The following SP6 variants were observed in gnomAD, a reference collection of about 807,000 sequenced individuals.
SP6 encodes the protein Sp6 transcription factor, also known as transcription factor Sp6.
SP6 carries 10 observed loss-of-function variants against 23.4 expected under a neutral mutation model. The observed-to-expected ratio is 0.43, with a 90% confidence interval of 0.26 to 0.72. The LOEUF is 0.72. Ranked by LOEUF, SP6 falls within the 30% of genes least tolerant of loss-of-function variation. The pLI is 0.23. For synonymous variants in SP6, 238 were observed against 238.7 expected, an observed-to-expected ratio of 1.00 and a Z score of 0.03; for missense variants, 482 against 523.8, an observed-to-expected ratio of 0.92 and a Z score of 0.78.
upstream of SP6, among the ~76,000 whole-genome samples, chr17:47,857,624 A>ACAGCCAG (rs2034007051): frequency 6.6e-6 from 1 of 152,136 alleles, no homozygotes. Context: ...AGCAATGAAC[A>ACAGCCAG]CAGCCAGCAC....
In SP6 at chr17:47,848,528, G is replaced by T; in HGVS notation, c.-57-42C>A. The T allele has an allele frequency of 1.7e-6, 2 of 1,178,248 alleles. No individual in the cohort carries two copies. The highest frequency in any genetic ancestry group is 1.2e-6 in the Non-Finnish European group (1 of 855,854). The allele number at this position is 1,178,248 out of a possible 1,614,324, so 73.0% of individuals were successfully genotyped here. Reference sequence around the variant, plus strand: ...AGCAGAAAAGTAAGGGAAATAACCAGCTCACTTTCCCTCCTAACCCAGGTC... The same window carrying T: ...AGCAGAAAAGTAAGGGAAATAACCATCTCACTTTCCCTCCTAACCCAGGTC... On this transcript the variant is annotated intron_variant, in intron 1 of 1. Coordinates refer to ENST00000536300, the MANE Select transcript of SP6 (RefSeq NM_001258248.2). The surrounding 1 kb of genome is among the most constrained non-coding windows in gnomAD (Gnocchi z 5.3).
At chr17:47,852,051 TC>T (rs1311698906), upstream of SP6, among the ~76,000 whole-genome samples, 1 of 152,026 alleles carries the variant, frequency 6.6e-6, no homozygotes, top group Non-Finnish European at 1.5e-5. Context: ...AGCACCCGGT[TC>T]TGAAGAATGG....
upstream of SP6, among the ~76,000 whole-genome samples, chr17:47,852,060 T>C (rs907971320): frequency 5.3e-5 from 8 of 152,054 alleles, no homozygotes; most frequent in Admixed American, 2.6e-4. Context: ...TTCTGAAGAA[T>C]GGGCAGGCGC....
chr17:47,871,012 C>G, the SP6 span, among the ~76,000 whole-genome samples: 1 of 152,162 alleles, frequency 6.6e-6, no homozygotes, highest in Non-Finnish European at 1.5e-5. Context: ...TCTTCTGACC[C>G]TCCTTCTAGC....
At chr17:47,858,334 TCCCAC>T (rs910587409), upstream of SP6, among the ~76,000 whole-genome samples, 12 of 152,062 alleles carry the variant, frequency 7.9e-5, no homozygotes, top group African/African-American at 2.9e-4. Context: ...CTACTCTTCC[TCCCAC>T]CCCTAAGCTT....
At chr17:47,856,759 T>C (rs2034001173), upstream of SP6, among the ~76,000 whole-genome samples, 1 of 152,012 alleles carries the variant, frequency 6.6e-6, no homozygotes, top group Admixed American at 6.5e-5. Context: ...GATGACATCC[T>C]GTTTTTGACC....
the SP6 span, among the ~76,000 whole-genome samples, chr17:47,873,620 G>T: frequency 1.3e-5 from 2 of 152,212 alleles, no homozygotes; most frequent in South Asian, 4.1e-4. Context: ...GGCTATCTCT[G>T]GGAAAAAAGG....
At chr17:47,874,145 G>A in the SP6 span, among the ~76,000 whole-genome samples, 2 of 151,720 alleles carry the variant, frequency 1.3e-5, no homozygotes, top group Admixed American at 6.6e-5. Flanking sequence ...GGAGTGCAGT[G>A]GAGCAATCAT....
upstream of SP6, among the ~76,000 whole-genome samples, chr17:47,859,160 G>A (rs534952117): frequency 6.6e-6 from 1 of 152,112 alleles, no homozygotes; most frequent in Non-Finnish European, 1.5e-5. Context: ...TGTCATCCAG[G>A]ACCCTCCCAC....
upstream of SP6, among the ~76,000 whole-genome samples, chr17:47,854,273 C>A (rs1212644560): frequency 6.6e-6 from 1 of 152,218 alleles, no homozygotes; most frequent in South Asian, 2.1e-4. Context: ...TTACTGAGCA[C>A]CTACTATGTT....
chr17:47,850,595 C>G (rs9895764), intron 1 of SP6, among the ~76,000 whole-genome samples: 32,258 of 152,164 alleles, frequency 0.21, 4,737 homozygotes, highest in African/African-American at 0.42. Flanking sequence ...AGGCTTCTCG[C>G]TCCCCGAAGT....
chr17:47,874,471 C>T, the SP6 span, among the ~76,000 whole-genome samples: 1 of 152,152 alleles, frequency 6.6e-6, no homozygotes, highest in Non-Finnish European at 1.5e-5. Context: ...ATTTGGGAGG[C>T]TGAGGTAGAA....
At chr17:47,851,327 G>A (rs1190022801), upstream of SP6, 1 of 152,256 alleles carries the variant, frequency 6.6e-6, no homozygotes, top group East Asian at 1.9e-4. Flanking sequence ...ACTAGGGCGT[G>A]CGCCGCCCGC....
chr17:47,847,406 C>T lies in SP6; in HGVS notation c.1024G>A (p.Glu342Lys). 6.2e-7 allele frequency: 1 copy of T among 1,613,408 alleles called. No individual in the cohort carries two copies. Among genetic ancestry groups the T allele is most frequent in the Non-Finnish European group, 8.5e-7 (1 of 1,179,820 alleles). ...HMKTHEGAKE[E>K]AAGAASGEGK... The stretch of plus-strand genomic sequence containing the variant: ...TCTCCCGAGGCCGCCCCAGCCGCCT[C>T]CTCCTTGGCGCCCTCGTGGGTTTTC... The change falls in exon 2 of 2, where the codon GAG (glutamate) becomes AAG (lysine). Residue 342 changes from glutamate (E) to lysine (K), a missense_variant. Glu to Lys is a moderately conservative substitution (Grantham distance 56). This residue lies in a region of SP6 where 101 missense variants were observed against 99.3 expected (regional missense o/e 1.02). Transcript: ENST00000536300.
chr17:47,859,208 C>T (rs571991022), upstream of SP6, among the ~76,000 whole-genome samples: 154 of 152,326 alleles, frequency 1.0e-3, no homozygotes, highest in Non-Finnish European at 1.8e-3. Flanking sequence ...GGTCCTCATA[C>T]AAACCCTACA....
chr17:47,847,868 C>G lies in SP6; in HGVS notation c.562G>C (p.Gly188Arg), dbSNP rs772544327. 8 of 1,538,418 alleles carry G rather than the reference C, an allele frequency of 5.2e-6. No homozygotes were observed. The highest frequency in any genetic ancestry group is 6.1e-6 in the Non-Finnish European group (7 of 1,142,722). ...GCGGCTACTTCCAAGGCCTTAGCCC[C>G]GTCGGGCGGCCCTAGGAGATGCTGC... ...GGQHLLGPPDGAKALEVAAPE... is the reference protein window; with the variant it reads ...GGQHLLGPPDRAKALEVAAPE... Residue 188 changes from glycine (G) to arginine (R), a missense_variant, in exon 2 of 2, where the codon GGG (glycine) becomes CGG (arginine). By Grantham distance (125) the Gly-to-Arg change is moderately radical (BLOSUM62 -2). Around this residue, in one of 3 missense-constraint regions of SP6, gnomAD observed 330 missense variants for 332.3 expected, o/e 0.99. Coordinates refer to ENST00000536300, the MANE Select transcript of SP6 (RefSeq NM_001258248.2).
chr17:47,861,788 A>G, the SP6 span, among the ~76,000 whole-genome samples: 1 of 152,118 alleles, frequency 6.6e-6, no homozygotes, highest in South Asian at 2.1e-4. Flanking sequence ...GCTCACACCT[A>G]TAATCCTGGC....
upstream of SP6, among the ~76,000 whole-genome samples, chr17:47,855,468 C>T (rs568795893): frequency 1.3e-5 from 2 of 152,322 alleles, no homozygotes; most frequent in South Asian, 4.1e-4. Context: ...ACTACCCCAG[C>T]CCAGTCAAAA....
rs897929591 is a variant in SP6, at chr17:47,845,131, G to C, written c.*2168C>G. ...CTCTACCCGCATACCTCAGAGCTTG[G>C]GGCTTCCATTGGGGGGAGCATCTGT... On this transcript the variant is annotated 3_prime_UTR_variant, in exon 2 of 2. Transcript: ENST00000536300. The C allele has an allele frequency of 6.6e-6, 1 of 152,206 alleles. No individual in the cohort carries two copies. The highest frequency in any genetic ancestry group is 2.4e-5 in the African/African-American group (1 of 41,422). The allele number at this position is 152,206 out of a possible 1,614,324, so 9.4% of individuals were successfully genotyped here.
Sources: gnomAD v4.1 joint callset for allele counts (sites outside exome capture counted in the v4.1 genomes callset) on GRCh38, gnomAD v4.1.1 for gene constraint, gnomAD v4.1.1 regional missense constraint, Gnocchi (gnomAD v3.1) non-coding constraint, MANE v1.5 for transcripts, NCBI Gene and HGNC (gene_info 2026-07-23, HGNC 2026-07-21) for gene names.